The following ARHGAP33 variants were observed in gnomAD, a reference collection of about 807,000 sequenced individuals.
ARHGAP33 encodes rho GTPase-activating protein 33.
Under a neutral mutation model 126.2 loss-of-function variants are expected in ARHGAP33, and 57 were observed. The ratio of observed to expected loss-of-function variants is 0.45; its 90% CI spans 0.36 to 0.56. ARHGAP33 has a LOEUF of 0.56. Ranked by LOEUF, ARHGAP33 falls within the 20% of genes least tolerant of loss-of-function variation. The pLI, the probability that ARHGAP33 is intolerant of heterozygous loss-of-function variation, is 0.00. For missense variants in ARHGAP33, 1,500 were observed against 1,748.3 expected (o/e 0.86, Z 2.53); for synonymous variants, 711 against 755.0 (o/e 0.94, Z 0.95).
chr19:35,787,843 AG>A lies in ARHGAP33; in HGVS notation c.3282del (p.Ser1095ProfsTer78). 6.2e-7 allele frequency: 1 copy of A among 1,608,344 alleles called. No homozygotes were observed. Among genetic ancestry groups the A allele is most frequent in the Non-Finnish European group, 8.5e-7 (1 of 1,177,698 alleles). On this transcript the variant is annotated frameshift_variant, in exon 21 of 21. Coordinates refer to ENST00000007510, the MANE Select transcript of ARHGAP33 (RefSeq NM_001366178.1). LOFTEE classifies it high-confidence loss of function. ...CTGTACTATGAGATCGGGGCAAGTG[AG>A]GGGTCCCCCTATTCTGGCCCCACCC... ...ENLYYEIGAS[E>X]GSPYSGPTRS...
rs201745478 is a variant in ARHGAP33, at chr19:35,787,685, C to T, written c.3120C>T (p.Cys1040=). The part of the protein sequence containing the change: ...PGFFSPAPRE[C]LPPFLGVPKP... The stretch of plus-strand genomic sequence containing the variant: ...TCTTCTCCCCAGCCCCCAGGGAGTG[C>T]CTGCCACCCTTCCTCGGGGTCCCCA... Residue 1040 remains cysteine, a synonymous_variant, in exon 21 of 21, where the codon TGC becomes TGT. Coordinates refer to ENST00000007510, the MANE Select transcript of ARHGAP33 (RefSeq NM_001366178.1). The T allele has an allele frequency of 7.8e-5, 124 of 1,594,100 alleles. No homozygotes were observed. In the Middle Eastern group the frequency reaches 2.7e-3, roughly 35 times the overall value.
Position 35,786,329 on chromosome 19 carries a change from C to T in ARHGAP33, c.1943-84C>T, listed in dbSNP as rs1486394047. Reference sequence around the variant, plus strand: ...CACTACTGTGGCCCTCTCCAGGAGGCGCCTCTTCATGTCCTTTCCCCAGCT... The same window carrying T: ...CACTACTGTGGCCCTCTCCAGGAGGTGCCTCTTCATGTCCTTTCCCCAGCT... On this transcript the variant is annotated intron_variant, in intron 19 of 20. Coordinates refer to ENST00000007510, the MANE Select transcript of ARHGAP33 (RefSeq NM_001366178.1). The surrounding 1 kb of genome is among the most constrained non-coding windows in gnomAD (Gnocchi z 7.0). The T allele has an allele frequency of 2.5e-5, 36 of 1,453,902 alleles. No homozygotes were observed. The highest frequency in any genetic ancestry group is 5.1e-5 in the Admixed American group (2 of 39,218). 90.1% of individuals were successfully genotyped at this position (1,453,902 alleles called of 1,614,324 possible).
chr19:35,783,373 AAAAAT>A (rs1226084685), intron 15 of ARHGAP33, among the ~76,000 whole-genome samples: 1 of 152,208 alleles, frequency 6.6e-6, no homozygotes, highest in East Asian at 1.9e-4. Context: ...ATGTACGGAG[AAAAAT>A]AAACGAGAAA....
intron 15 of ARHGAP33, 87 bp from the exon 16 acceptor site, chr19:35,784,085 T>C: frequency 1.7e-6 from 2 of 1,185,794 alleles, no homozygotes; most frequent in Middle Eastern, 2.8e-4. Flanking sequence ...AGACAGTCAC[T>C]GCCTCCCCTG....
chr19:35,777,838 G>A lies in ARHGAP33; in HGVS notation c.119G>A (p.Arg40Gln), dbSNP rs777134004. The A allele has an allele frequency of 1.4e-5, 22 of 1,614,108 alleles. No homozygotes were observed. The highest frequency in any genetic ancestry group is 2.2e-5 in the East Asian group (1 of 44,896). Residue 40 changes from arginine (R) to glutamine (Q), a missense_variant, in exon 3 of 21, where the codon CGA becomes CAA. Physicochemically the swap from Arg to Gln is conservative, Grantham distance 43 (BLOSUM62 1). Around this residue, in one of 6 missense-constraint regions of ARHGAP33, gnomAD observed 129 missense variants for 145.9 expected, o/e 0.88. Transcript: ENST00000007510. The stretch of plus-strand genomic sequence containing the variant: ...CTGTCTCCCAGGCTCTCAGCTCCTC[G>A]AGGCCCCTTCCCGCGGCTGGCTGAC... ...GKPGKRLSAP[R>Q]GPFPRLADCA...
At chr19:35,781,915 T>G (rs1971812310) in intron 12 of ARHGAP33, among the ~76,000 whole-genome samples, 1 of 142,766 alleles carries the variant, frequency 7.0e-6, no homozygotes, top group Non-Finnish European at 1.5e-5. Flanking sequence ...GAGAGGGGAG[T>G]GCTTGAAGCC....
rs1972122229 is a variant in ARHGAP33 at position 35,786,584 on chromosome 19, C to A, written c.2114C>A (p.Ala705Glu). The change falls in exon 20 of 21, where the codon GCA becomes GAA. Residue 705 changes from alanine to glutamate, a missense_variant. By Grantham distance (107) the Ala-to-Glu change is moderately radical. Around this residue, in one of 6 missense-constraint regions of ARHGAP33, gnomAD observed 300 missense variants for 291.1 expected, o/e 1.03. Transcript: ENST00000007510. The surrounding 1 kb of genome is among the most constrained non-coding windows in gnomAD (Gnocchi z 7.0). ...GAGTCCTCAGCAGCTGGGCTGGGGG[C>A]ACTCTCTGGGTCTCCCTCACACCGT... ...SSESSAAGLGALSGSPSHRTS... is the reference protein window; with the variant it reads ...SSESSAAGLGELSGSPSHRTS... The A allele has an allele frequency of 6.5e-7, 1 of 1,535,974 alleles. No homozygotes were observed. The highest frequency in any genetic ancestry group is 1.4e-5 in the African/African-American group (1 of 73,100).
At chr19:35,784,622 G>GCCCCCCCCCCAAAACCCC in intron 16 of ARHGAP33, 1 of 480,960 alleles carries the variant, frequency 2.1e-6, no homozygotes, top group Non-Finnish European at 2.9e-6. Context: ...ACTTGACCCC[G>GCCCCCCCCCCAAAACCCC]CCCCGGCCCC....
At position 35,780,913 on chromosome 19, in the gene ARHGAP33, C is replaced by T. The variant is rs1348176367; in HGVS notation, c.830-7C>T. 6.2e-7 allele frequency: 1 copy of T among 1,610,158 alleles called. No individual in the cohort carries two copies. The highest frequency in any genetic ancestry group is 8.5e-7 in the Non-Finnish European group (1 of 1,179,982). On this transcript the variant is annotated splice_polypyrimidine_tract_variant and splice_region_variant and intron_variant, in intron 10 of 20. Coordinates refer to ENST00000007510, the MANE Select transcript of ARHGAP33 (RefSeq NM_001366178.1). ...CTGCCTTTGCCCTTTGCCCCTTGCC[C>T]CCACAGCTGTGCCACGGCCTCGTGG...
In ARHGAP33 at chr19:35,781,084, G is replaced by GGGGGCCCCCCCCCC; in HGVS notation, c.982+12_982+13insGGGGCCCCCCCCCC. On this transcript the variant is annotated intron_variant, in intron 11 of 20. Transcript: ENST00000007510. Reference sequence around the variant, plus strand: ...CTCAGGCCAGGATGGTGAGGCCGGGGCCCACCCACCCCACCCGTCACACCA... The same window carrying GGGGGCCCCCCCCCC: ...CTCAGGCCAGGATGGTGAGGCCGGGGGGGGCCCCCCCCCCCCCACCCACCCCACCCGTCACACCA... The GGGGGCCCCCCCCCC allele has an allele frequency of 1.9e-6, 3 of 1,607,602 alleles. No individual in the cohort carries two copies. Among genetic ancestry groups the GGGGGCCCCCCCCCC allele is most frequent in the Non-Finnish European group, 1.7e-6 (2 of 1,176,520 alleles).
Position 35,788,630 on chromosome 19 carries a change from C to T in ARHGAP33, c.*201C>T. On this transcript the variant is annotated 3_prime_UTR_variant, in exon 21 of 21. Coordinates refer to ENST00000007510, the MANE Select transcript of ARHGAP33 (RefSeq NM_001366178.1). Reference sequence around the variant, plus strand: ...GAAGGGTCTGCCCATCCCCCCACCACCCTCCATCCTGGGGGCCCTCGCACA... The same window carrying T: ...GAAGGGTCTGCCCATCCCCCCACCATCCTCCATCCTGGGGGCCCTCGCACA... The T allele has an allele frequency of 1.9e-6, 1 of 530,516 alleles. No homozygotes were observed. The highest frequency in any genetic ancestry group is 3.2e-6 in the Non-Finnish European group (1 of 310,064). The allele number at this position is 530,516 out of a possible 1,614,324, so 32.9% of individuals were successfully genotyped here.
At chr19:35,784,848 G>A in intron 16 of ARHGAP33, 105 bp from the exon 17 acceptor site, 15 of 1,250,718 alleles carry the variant, frequency 1.2e-5, no homozygotes, top group African/African-American at 1.6e-5. Flanking sequence ...TTGCCAGCCC[G>A]GGTGGGCATG....
In ARHGAP33 at chr19:35,779,113, A is replaced by C; in HGVS notation, c.490A>C (p.Thr164Pro). ...DSNLNCGPVL[T>P]WMELDNHGRR... Reference sequence around the variant, plus strand: ...TAACCTCAACTGCGGGCCTGTGCTCACCTGGATGGAGGTGGGCCTGGGCAG... The same window carrying C: ...TAACCTCAACTGCGGGCCTGTGCTCCCCTGGATGGAGGTGGGCCTGGGCAG... Residue 164 changes from threonine to proline, a missense_variant, in exon 6 of 21, where the codon ACC (threonine) becomes CCC (proline). Thr to Pro is a conservative substitution (Grantham distance 38). Transcript: ENST00000007510. The C allele has an allele frequency of 6.4e-7, 1 of 1,551,482 alleles. No individual in the cohort carries two copies.
rs775855314 is a variant in ARHGAP33 at position 35,787,204 on chromosome 19, T to G, written c.2639T>G (p.Leu880Arg). The stretch of plus-strand genomic sequence containing the variant: ...GAGTCACCACTGCCACCCCCTCCCC[T>G]GTCTCTCCTGCGCCCTGGGGGTGCC... ...DMESPLPPPP[L>R]SLLRPGGAPP... is the part of the protein sequence containing the mutation. Residue 880 changes from leucine (L) to arginine (R), a missense_variant, in exon 21 of 21, where the codon CTG becomes CGG. Leu to Arg is a moderately radical substitution (Grantham distance 102, BLOSUM62 -2). This residue lies in a region of ARHGAP33 where 642 missense variants were observed against 634.0 expected (regional missense o/e 1.01). Transcript: ENST00000007510. 6.2e-7 allele frequency: 1 copy of G among 1,609,298 alleles called. No homozygotes were observed. The highest frequency in any genetic ancestry group is 1.1e-5 in the South Asian group (1 of 90,918).
chr19:35,780,188 GC>G, intron 6 of ARHGAP33, 22 bp from the exon 7 acceptor site: 1 of 1,612,302 alleles, frequency 6.2e-7, no homozygotes, highest in Non-Finnish European at 8.5e-7. Flanking sequence ...ACCTGTCCTT[GC>G]CACATTCCAC....
intron 16 of ARHGAP33, chr19:35,784,729 CCCTCGCTGGCTGCCGGGAGCTG>C: frequency 7.5e-7 from 1 of 1,340,786 alleles, no homozygotes; most frequent in Non-Finnish European, 9.5e-7. Flanking sequence ...AGAGCCGCTG[CCCTCGCTGGCTGCCGGGAGCTG>C]CCTCCTCATC....
intron 12 of ARHGAP33, among the ~76,000 whole-genome samples, chr19:35,781,882 G>A (rs1448909100): frequency 6.6e-6 from 1 of 151,944 alleles, no homozygotes; most frequent in Admixed American, 6.6e-5. Flanking sequence ...GGAGCCAGGC[G>A]AGATCTCGGC....
At position 35,785,089 on chromosome 19, in the gene ARHGAP33, G is replaced by A. The variant is rs774573643; in HGVS notation, c.1704G>A (p.Pro568=). The change falls in exon 17 of 21, where the codon CCG becomes CCA. Residue 568 remains proline, a synonymous_variant. Coordinates refer to ENST00000007510, the MANE Select transcript of ARHGAP33 (RefSeq NM_001366178.1). ...TPTEPTTPKA[P]ASPAERRKGE... ...CGGAGCCCACAACTCCCAAGGCCCC[G>A]GCCTCACCTGCGGAAAGGTGAGTGG... The A allele has an allele frequency of 4.4e-6, 7 of 1,581,512 alleles. No homozygotes were observed. Among genetic ancestry groups the A allele is most frequent in the South Asian group, 3.4e-5 (3 of 87,668 alleles).
chr19:35,778,820 G>A (rs764137130), intron 5 of ARHGAP33: 64 of 854,786 alleles, frequency 7.5e-5, no homozygotes, highest in Admixed American at 2.3e-4. Context: ...GGTCCCATGG[G>A]AGGGTCACCA....
Sources: allele counts gnomAD v4.1 joint callset (sites outside exome capture counted in the v4.1 genomes callset), GRCh38; gene constraint gnomAD v4.1.1; regional missense constraint gnomAD v4.1.1; non-coding constraint Gnocchi (gnomAD v3.1); transcripts MANE v1.5; gene names NCBI Gene and HGNC (gene_info 2026-07-23, HGNC 2026-07-21).